Variants in AMOTL1 observed in about 807,000 individuals in gnomAD.
AMOTL1 encodes angiomotin like 1.
Under a neutral mutation model 102.9 loss-of-function variants are expected in AMOTL1, and 45 were observed. That is an observed-to-expected ratio of 0.44 (90% CI 0.34 to 0.56). The LOEUF (loss-of-function observed/expected upper bound fraction) is 0.56, where lower values mean the gene tolerates loss of function less well. Ranked by LOEUF, AMOTL1 falls within the 20% of genes least tolerant of loss-of-function variation. AMOTL1 has a pLI of 0.01. For synonymous variants in AMOTL1, 481 were observed against 484.7 expected (o/e 0.99, Z 0.10); for missense variants, 1,114 against 1,225.6 (o/e 0.91, Z 1.36).
intron 1 of AMOTL1, among the ~76,000 whole-genome samples, chr11:94,708,665 A>G (rs1949970830): frequency 6.6e-6 from 1 of 152,214 alleles, no homozygotes; most frequent in African/African-American, 2.4e-5. Context: ...TGTTGTAAGT[A>G]TTCATGTGTA....
intron 6 of AMOTL1, among the ~76,000 whole-genome samples, chr11:94,835,420 G>C (rs1270402180): frequency 6.6e-6 from 1 of 152,208 alleles, no homozygotes; most frequent in African/African-American, 2.4e-5. Flanking sequence ...ATTCTTAGCT[G>C]TGTCTTCTCA....
intron 4 of AMOTL1, among the ~76,000 whole-genome samples, chr11:94,825,557 G>C (rs1951946654): frequency 6.6e-6 from 1 of 152,156 alleles, no homozygotes; most frequent in African/African-American, 2.4e-5. Context: ...TTACAGCCTG[G>C]CCTAAGAGCT....
At chr11:94,740,826 G>A (rs1430862) in intron 2 of AMOTL1, 13 of 849,108 alleles carry the variant, frequency 1.5e-5, no homozygotes, top group Non-Finnish European at 2.2e-5. Flanking sequence ...TCTGAGCGCT[G>A]GGAGAGAGAA....
intron 3 of AMOTL1, among the ~76,000 whole-genome samples, chr11:94,750,618 G>A (rs536668329): frequency 5.3e-5 from 8 of 152,244 alleles, no homozygotes; most frequent in South Asian, 2.1e-4. Flanking sequence ...CCTTGCTCCC[G>A]TGATGTACCC....
chr11:94,846,709 G>T (rs970989031), intron 6 of AMOTL1, among the ~76,000 whole-genome samples: 1 of 152,128 alleles, frequency 6.6e-6, no homozygotes, highest in African/African-American at 2.4e-5. Context: ...TGGAGAGGAG[G>T]GGCAGTACAG....
intron 3 of AMOTL1, among the ~76,000 whole-genome samples, chr11:94,819,828 C>T (rs1007600819): frequency 6.6e-6 from 1 of 151,940 alleles, no homozygotes; most frequent in African/African-American, 2.4e-5. Context: ...TGGTTCATAC[C>T]CTTTATATTT....
chr11:94,788,451 A>G (rs555584702), intron 1 of AMOTL1, among the ~76,000 whole-genome samples: 71 of 151,840 alleles, frequency 4.7e-4, no homozygotes, highest in African/African-American at 1.6e-3. Flanking sequence ...CCTCACTACC[A>G]CCTTCTCCAC....
intron 6 of AMOTL1, among the ~76,000 whole-genome samples, chr11:94,842,275 C>T (rs1383995307): frequency 2.6e-5 from 4 of 152,106 alleles, no homozygotes; most frequent in Non-Finnish European, 5.9e-5. Context: ...TTTCGACGCA[C>T]CGTGAAGAGA....
intron 3 of AMOTL1, among the ~76,000 whole-genome samples, chr11:94,761,474 C>T (rs112774111): frequency 0.097 from 14,651 of 151,496 alleles, 1,419 homozygotes; most frequent in East Asian, 0.28. Flanking sequence ...CAGGCATGAG[C>T]GACTGCGCCT....
At chr11:94,726,517 C>T (rs1950261708) in intron 1 of AMOTL1, among the ~76,000 whole-genome samples, 1 of 152,192 alleles carries the variant, frequency 6.6e-6, no homozygotes, top group South Asian at 2.1e-4. Context: ...ATGGTCTTTC[C>T]CATTCACCCA....
chr11:94,830,750 CAATGAGTTAACCTATA>C (rs1187526112), intron 5 of AMOTL1, among the ~76,000 whole-genome samples: 10 of 152,218 alleles, frequency 6.6e-5, no homozygotes. Context: ...CCAATATGCA[CAATGAGTTAACCTATA>C]AATGTTACTT....
intron 7 of AMOTL1, among the ~76,000 whole-genome samples, chr11:94,853,623 A>G (rs1265084763): frequency 6.6e-6 from 1 of 152,186 alleles, no homozygotes; most frequent in Non-Finnish European, 1.5e-5. Flanking sequence ...CCTCACTTCC[A>G]ATGCCTGAAA....
chr11:94,860,260 G>T (rs1319196516), intron 9 of AMOTL1, among the ~76,000 whole-genome samples: 1 of 152,318 alleles, frequency 6.6e-6, no homozygotes, highest in African/African-American at 2.4e-5. Flanking sequence ...ATGAGGCTTA[G>T]AGAGGTACAG....
At chr11:94,753,678 C>G (rs1297112334) in intron 3 of AMOTL1, among the ~76,000 whole-genome samples, 1 of 152,208 alleles carries the variant, frequency 6.6e-6, no homozygotes, top group African/African-American at 2.4e-5. Flanking sequence ...CCCTGTTCTT[C>G]TCTATTGCTA....
chr11:94,735,918 A>G (rs925936916), intron 2 of AMOTL1, among the ~76,000 whole-genome samples: 9 of 152,220 alleles, frequency 5.9e-5, no homozygotes, highest in Admixed American at 1.3e-4. Flanking sequence ...AGAACATTAG[A>G]GTTAGGAGTT....
At chr11:94,836,549 A>G (rs576485204) in intron 6 of AMOTL1, among the ~76,000 whole-genome samples, 1 of 152,344 alleles carries the variant, frequency 6.6e-6, no homozygotes, top group South Asian at 2.1e-4. Flanking sequence ...TAAGAGTGGA[A>G]AATCCTGGTG....
At chr11:94,748,239 A>G (rs1475906212) in intron 3 of AMOTL1, among the ~76,000 whole-genome samples, 3 of 152,218 alleles carry the variant, frequency 2.0e-5, no homozygotes, top group African/African-American at 7.2e-5. Context: ...TTCAGGGTGC[A>G]CTATATCCTC....
chr11:94,720,362 T>A (rs554844617), intron 1 of AMOTL1, among the ~76,000 whole-genome samples: 81 of 152,136 alleles, frequency 5.3e-4, no homozygotes, highest in Non-Finnish European at 1.0e-3. Flanking sequence ...CAGCTGCACC[T>A]CAGAAGCCCA....
intron 6 of AMOTL1, among the ~76,000 whole-genome samples, chr11:94,846,708 G>A (rs1016127028): frequency 6.6e-6 from 1 of 152,184 alleles, no homozygotes; most frequent in Non-Finnish European, 1.5e-5. Context: ...TTGGAGAGGA[G>A]GGGCAGTACA....
Sources: allele counts gnomAD v4.1 joint callset (sites outside exome capture counted in the v4.1 genomes callset), GRCh38; gene constraint gnomAD v4.1.1; transcripts MANE v1.5; gene names NCBI Gene and HGNC (gene_info 2026-07-23, HGNC 2026-07-21).